Variants in C7 observed in about 807,000 individuals in gnomAD.
The protein encoded by C7 is complement C7, also known as complement component C7.
Under a neutral mutation model 104.8 loss-of-function variants are expected in C7, and 83 were observed. The observed-to-expected ratio is 0.79, with a 90% CI of 0.66 to 0.95. C7 has a LOEUF of 0.95. C7 is among the 40% of genes least tolerant of loss of function. The probability of loss-of-function intolerance (pLI) is 0.00; values close to 1 mark genes in which losing one functional copy is unlikely to be tolerated. For synonymous variants in C7, 415 were observed against 360.6 expected, an observed-to-expected ratio of 1.15 and a Z score of -1.71; for missense variants, 1,070 against 1,011.2, an observed-to-expected ratio of 1.06 and a Z score of -0.79.
chr5:40,927,476 A>G (rs1739578697), intron 1 of C7, among the ~76,000 whole-genome samples: 2 of 152,102 alleles, frequency 1.3e-5, no homozygotes, highest in African/African-American at 2.4e-5. Context: ...GGGAGAAAAT[A>G]TTTATAAGTC....
chr5:40,950,442 G>A (rs1010817195), intron 9 of C7, among the ~76,000 whole-genome samples: 4 of 152,078 alleles, frequency 2.6e-5, no homozygotes, highest in African/African-American at 9.7e-5. Flanking sequence ...ACTTTATCCA[G>A]TTTATCATTG....
intron 3 of C7, among the ~76,000 whole-genome samples, chr5:40,933,857 T>C (rs1327237203): frequency 6.6e-6 from 1 of 152,144 alleles, no homozygotes; most frequent in East Asian, 1.9e-4. Context: ...ATTTGGTAAA[T>C]ATATTAATCA....
intron 6 of C7, 24 bp from the exon 7 acceptor site, chr5:40,945,174 C>A: frequency 7.6e-7 from 1 of 1,311,368 alleles, no homozygotes. Context: ...TTAGTCATAG[C>A]AAAATTTTTC....
chr5:40,959,925 T>G (rs1443377698), intron 12 of C7, among the ~76,000 whole-genome samples: 1 of 152,204 alleles, frequency 6.6e-6, no homozygotes. Flanking sequence ...TGGCCACATC[T>G]CTAAAATTAG....
Position 40,928,626 on chromosome 5 carries a change from GT to G in C7, c.58del (p.Ser20GlnfsTer118). 6.5e-7 allele frequency: 1 copy of G among 1,547,932 alleles called. No homozygotes were observed. The highest frequency in any genetic ancestry group is 2.4e-5 in the East Asian group (1 of 42,028). ...GTGGGATTTATAGGAGAGTTCCAAA[GT>G]TTTTCAAGGTGAGGACTTTTTGGGT... ...ILVGFIGEFQ[S>X]FSSASSPVNC... On this transcript the variant is annotated frameshift_variant, in exon 2 of 18. Coordinates refer to ENST00000313164, the MANE Select transcript of C7 (RefSeq NM_000587.4). LOFTEE classifies it high-confidence loss of function.
chr5:40,918,949 G>GAC (rs138558983), intron 1 of C7, among the ~76,000 whole-genome samples: 16,934 of 138,128 alleles, frequency 0.12, 1,108 homozygotes, highest in Admixed American at 0.21. Context: ...GAATCTAACA[G>GAC]ACACACACAC....
chr5:40,943,676 T>C (rs1739990034), intron 6 of C7, among the ~76,000 whole-genome samples: 1 of 150,792 alleles, frequency 6.6e-6, no homozygotes, highest in Non-Finnish European at 1.5e-5. Context: ...TATATGTGTA[T>C]ATACATATAT....
intron 5 of C7, chr5:40,937,139 G>A (rs1739833597): frequency 6.5e-6 from 1 of 153,580 alleles, no homozygotes; most frequent in African/African-American, 2.4e-5. Context: ...ATTTGAAAGA[G>A]TACACCATTC....
At position 40,962,068 on chromosome 5, in the gene C7, AT is replaced by A. The variant is rs201960229; in HGVS notation, c.1662-9del. ...TGTGCAAATCAATCACATTAATTAC[AT>A]TTTTTTTCCTTCCAGGTTGCTTGAA... On this transcript the variant is annotated splice_polypyrimidine_tract_variant and intron_variant, in intron 12 of 17. Transcript: ENST00000313164. 9.7e-5 allele frequency: 139 copies of A among 1,428,750 alleles called. No individual in the cohort carries two copies. Among genetic ancestry groups the A allele is most frequent in the East Asian group, 2.4e-4 (10 of 41,506 alleles). The allele number at this position is 1,428,750 out of a possible 1,614,324, so 88.5% of individuals were successfully genotyped here.
intron 7 of C7, among the ~76,000 whole-genome samples, chr5:40,946,403 A>G (rs1740051105): frequency 6.6e-6 from 1 of 152,176 alleles, no homozygotes; most frequent in Non-Finnish European, 1.5e-5. Flanking sequence ...ACTTAGGAAA[A>G]TATAAGGAAT....
intron 9 of C7, among the ~76,000 whole-genome samples, chr5:40,955,060 A>G (rs1740259139): frequency 6.6e-6 from 1 of 152,150 alleles, no homozygotes; most frequent in Non-Finnish European, 1.5e-5. Flanking sequence ...AACAGAGTGG[A>G]ACATTTGTTA....
intron 1 of C7, among the ~76,000 whole-genome samples, chr5:40,912,503 T>C (rs10044717): frequency 0.04 from 6,142 of 152,054 alleles, 433 homozygotes; most frequent in African/African-American, 0.14. Context: ...CTTAGTCTTC[T>C]GAGTAGCTGG....
intron 4 of C7, among the ~76,000 whole-genome samples, chr5:40,936,121 A>G (rs968255787): frequency 6.6e-6 from 1 of 152,156 alleles, no homozygotes; most frequent in African/African-American, 2.4e-5. Context: ...CCTATTTTCA[A>G]TTTTGTGTCT....
chr5:40,984,047 C>T lies in C7; in HGVS notation c.*2474C>T, dbSNP rs1561264709. 6.6e-6 allele frequency among the ~76,000 whole-genome samples: 1 copy of T among 152,184 alleles called. No homozygotes were observed. The highest frequency in any genetic ancestry group is 2.4e-5 in the African/African-American group (1 of 41,452). On this transcript the variant is annotated 3_prime_UTR_variant, in exon 18 of 18. Coordinates refer to ENST00000313164, the MANE Select transcript of C7 (RefSeq NM_000587.4). ...ACATCCTACAGATCATCGCTTACCA[C>T]TCATGAGGACGCTACAAGTTACCTG...
intron 1 of C7, among the ~76,000 whole-genome samples, chr5:40,920,139 A>G (rs1014175484): frequency 6.6e-6 from 1 of 152,180 alleles, no homozygotes; most frequent in Non-Finnish European, 1.5e-5. Context: ...AAAGATCATC[A>G]GGGACTATCA....
At chr5:40,924,699 A>G (rs987153619) in intron 1 of C7, among the ~76,000 whole-genome samples, 2 of 152,156 alleles carry the variant, frequency 1.3e-5, no homozygotes, top group African/African-American at 4.8e-5. Context: ...CTCTTGCACT[A>G]TGTGTGCCTA....
Position 40,982,849 on chromosome 5 carries a change from T to G in C7, c.*1276T>G, listed in dbSNP as rs1054606740. On this transcript the variant is annotated 3_prime_UTR_variant, in exon 18 of 18. Transcript: ENST00000313164. ...AAAATAAGCTATATTATACAAATACTATCTCTGTATTGTTCTGACCCTGGT... is the reference window on the plus strand; with the variant it reads ...AAAATAAGCTATATTATACAAATACGATCTCTGTATTGTTCTGACCCTGGT... 6.6e-6 allele frequency: 1 copy of G among 152,372 alleles called. No homozygotes were observed. Among genetic ancestry groups the G allele is most frequent in the Non-Finnish European group, 1.5e-5 (1 of 68,050 alleles). The allele number at this position is 152,372 out of a possible 1,614,324, so 9.4% of individuals were successfully genotyped here.
At chr5:40,911,380 G>A (rs955203727) in intron 1 of C7, among the ~76,000 whole-genome samples, 11 of 152,176 alleles carry the variant, frequency 7.2e-5, no homozygotes, top group African/African-American at 2.7e-4. Context: ...GATTCCCTTT[G>A]GTTCTCTCTG....
chr5:40,964,226 A>T (rs956157478), intron 13 of C7, among the ~76,000 whole-genome samples: 3 of 151,152 alleles, frequency 2.0e-5, no homozygotes, highest in Non-Finnish European at 4.4e-5. Context: ...TATTTTTATT[A>T]GATACAGGGT....
Sources: allele counts gnomAD v4.1 joint callset (sites outside exome capture counted in the v4.1 genomes callset), GRCh38; gene constraint gnomAD v4.1.1; transcripts MANE v1.5; gene names NCBI Gene and HGNC (gene_info 2026-07-23, HGNC 2026-07-21).